The following LAIR1 variants were observed in gnomAD, a reference collection of about 807,000 sequenced individuals.
The protein encoded by LAIR1 is leukocyte associated immunoglobulin like receptor 1.
In LAIR1, 24 loss-of-function variants were observed where a neutral mutation model predicts 32.8. That is an observed-to-expected ratio of 0.73 (90% confidence interval 0.53 to 1.03). The LOEUF is 1.03. LAIR1 is among the 50% of genes least tolerant of loss of function. The pLI is 0.00. For missense variants in LAIR1, 355 were observed against 347.5 expected (o/e 1.02, Z -0.17); for synonymous variants, 150 against 140.5 (o/e 1.07, Z -0.48).
At chr19:54,362,623 T>C (rs913916820) in intron 2 of LAIR1, among the ~76,000 whole-genome samples, 6 of 152,170 alleles carry the variant, frequency 3.9e-5, no homozygotes, top group African/African-American at 1.4e-4. Flanking sequence ...TAGCTGGGAT[T>C]ACAGGTGCAC....
At chr19:54,362,992 C>G (rs1376868125) in intron 2 of LAIR1, among the ~76,000 whole-genome samples, 1 of 148,524 alleles carries the variant, frequency 6.7e-6, no homozygotes, top group African/African-American at 2.5e-5. Context: ...CTGATTCTAT[C>G]TGAAGATAAA....
upstream of LAIR1, among the ~76,000 whole-genome samples, chr19:54,372,576 C>T (rs549172617): frequency 3.3e-5 from 5 of 150,130 alleles, no homozygotes; most frequent in East Asian, 2.0e-4. Context: ...CTGCAACCTC[C>T]GCCTCCCGGG....
chr19:54,358,386 AATATATATATAAT>A (rs1488459973), intron 4 of LAIR1: 64 of 131,352 alleles, frequency 4.9e-4, no homozygotes, highest in Admixed American at 1.0e-3. Flanking sequence ...TTATATATAT[AATATATATATAAT>A]ATATATATAT....
chr19:54,356,678 C>CCA (rs753745862), intron 5 of LAIR1, 59 bp from the exon 6 acceptor site: 108 of 1,529,452 alleles, frequency 7.1e-5, no homozygotes, highest in Middle Eastern at 3.4e-4. Flanking sequence ...CTACTGTATA[C>CCA]CACACACACG....
Position 54,355,318 on chromosome 19 carries a change from T to G in LAIR1, c.814A>C (p.Thr272Pro), listed in dbSNP as rs1350161215. The G allele has an allele frequency of 2.5e-6, 4 of 1,613,112 alleles. No individual in the cohort carries two copies. In the South Asian group the frequency reaches 3.3e-5, roughly 13 times the overall value. Residue 272 changes from threonine (T) to proline (P), a missense_variant, in exon 10 of 10, where the codon ACA (threonine) becomes CCA (proline). Coordinates refer to ENST00000391742, the MANE Select transcript of LAIR1 (RefSeq NM_002287.6). The surrounding 1 kb of genome is among the most constrained non-coding windows in gnomAD (Gnocchi z 4.7). ...GTGATGGACTCGGCCATGGGCTTTG[T>G]GGACTGTGGGGACACAGCCCGGGCT... ...RTARAVSPQSTKPMAESITYA... is the reference protein window; with the variant it reads ...RTARAVSPQSPKPMAESITYA...
chr19:54,358,889 G>A (rs561116652), intron 4 of LAIR1, among the ~76,000 whole-genome samples: 1 of 152,168 alleles, frequency 6.6e-6, no homozygotes, highest in Non-Finnish European at 1.5e-5. Flanking sequence ...GCTGCAGGAG[G>A]GTCTGTCCTC....
the LAIR1 span, among the ~76,000 whole-genome samples, chr19:54,375,728 T>A: frequency 6.6e-6 from 1 of 151,876 alleles, no homozygotes; most frequent in East Asian, 1.9e-4. Context: ...AACTTCCTTT[T>A]TGTGTGAACG....
At chr19:54,356,705 G>A (rs984730417) in intron 5 of LAIR1, 86 bp from the exon 6 acceptor site, 3 of 1,357,390 alleles carry the variant, frequency 2.2e-6, no homozygotes, top group African/African-American at 1.4e-5. Flanking sequence ...GCGTTTCATA[G>A]ACTTACTAAT....
intron 5 of LAIR1, 36 bp downstream of exon 5, chr19:54,356,892 A>G (rs1468178350): frequency 1.9e-6 from 3 of 1,613,092 alleles, no homozygotes; most frequent in Non-Finnish European, 2.5e-6. Context: ...CAAGAGGCAC[A>G]CACCAGCTTC....
upstream of LAIR1, among the ~76,000 whole-genome samples, chr19:54,373,002 C>T (rs1026982511): frequency 3.3e-5 from 5 of 150,322 alleles, no homozygotes; most frequent in Non-Finnish European, 7.4e-5. Context: ...TAGTGGCGGG[C>T]GCCTGTAATC....
chr19:54,370,286 G>A (rs3865497), exon 1 of LAIR1: 23 of 1,541,996 alleles, frequency 1.5e-5, no homozygotes, highest in Non-Finnish European at 1.9e-5. Context: ...ATCTTCTGTC[G>A]CGGATGCAAC....
chr19:54,368,982 C>A (rs968734742), upstream of LAIR1, among the ~76,000 whole-genome samples: 1 of 151,186 alleles, frequency 6.6e-6, no homozygotes, highest in Non-Finnish European at 1.5e-5. Context: ...CCACTGCACC[C>A]GGCCGACTAA....
In LAIR1 at chr19:54,361,326, T is replaced by C. The variant is rs1052793969; in HGVS notation, c.71-117A>G. On this transcript the variant is annotated intron_variant, in intron 2 of 9. Coordinates refer to ENST00000391742, the MANE Select transcript of LAIR1 (RefSeq NM_002287.6). ...GCAATTTTATAGAGTTATGCAGCCA[T>C]GACCACAGCCCAACCTTAGAACATT... 3.2e-5 allele frequency: 35 copies of C among 1,109,788 alleles called. 1 individual carries two copies. Among genetic ancestry groups the C allele is most frequent in the Admixed American group, 2.1e-4 (11 of 52,200 alleles). 68.7% of individuals were successfully genotyped at this position (1,109,788 alleles called of 1,614,324 possible). A position where few individuals can be genotyped will look rare whatever the true frequency, so the allele number is the denominator to read the frequency against.
chr19:54,361,890 A>G (rs1399268414), intron 2 of LAIR1, among the ~76,000 whole-genome samples: 2 of 152,000 alleles, frequency 1.3e-5, no homozygotes, highest in South Asian at 2.1e-4. Flanking sequence ...GAAAAACCCC[A>G]TTTATCTCAA....
intron 2 of LAIR1, among the ~76,000 whole-genome samples, chr19:54,362,111 A>G (rs903880485): frequency 6.6e-6 from 1 of 152,062 alleles, no homozygotes; most frequent in Non-Finnish European, 1.5e-5. Context: ...ACACTGTGGA[A>G]TCGCTGAATC....
At chr19:54,357,600 G>A (rs949176490) in intron 4 of LAIR1, 2 of 153,286 alleles carry the variant, frequency 1.3e-5, no homozygotes, top group Admixed American at 6.5e-5. Flanking sequence ...GCAGCGCATT[G>A]CAGGCCCGCC....
Position 54,364,371 on chromosome 19 carries a change from G to T in LAIR1, c.35-41C>A. On this transcript the variant is annotated intron_variant, in intron 1 of 9. Transcript: ENST00000391742. The surrounding 1 kb of genome is among the most constrained non-coding windows in gnomAD (Gnocchi z 4.8). ...CAGTGAGAAAAATGCCCAGTGCCCA[G>T]TCTCCTTACGGGGCTGCTGTCAAAA... is the stretch of plus-strand genomic sequence containing the variant. The T allele has an allele frequency of 6.2e-7, 1 of 1,613,790 alleles. No individual in the cohort carries two copies. Among genetic ancestry groups the T allele is most frequent in the Admixed American group, 1.7e-5 (1 of 60,010 alleles).
upstream of LAIR1, among the ~76,000 whole-genome samples, chr19:54,366,369 G>A (rs1227413412): frequency 6.6e-6 from 1 of 152,166 alleles, no homozygotes; most frequent in African/African-American, 2.4e-5. Context: ...GGTCTCAGCT[G>A]GAAATAAGGA....
At chr19:54,375,546 C>G (rs368733492), upstream of LAIR1, among the ~76,000 whole-genome samples, 57 of 152,310 alleles carry the variant, frequency 3.7e-4, 1 homozygote, top group East Asian at 3.7e-3. Flanking sequence ...ATCTCTGACC[C>G]AAACACCAAA....
Sources: gnomAD v4.1 joint callset for allele counts (sites outside exome capture counted in the v4.1 genomes callset) on GRCh38, gnomAD v4.1.1 for gene constraint, Gnocchi (gnomAD v3.1) non-coding constraint, MANE v1.5 for transcripts, NCBI Gene and HGNC (gene_info 2026-07-23, HGNC 2026-07-21) for gene names.